The following SLC24A2 variants were observed in gnomAD, a reference collection of about 807,000 sequenced individuals.
SLC24A2 encodes the protein solute carrier family 24 member 2, also known as sodium/potassium/calcium exchanger 2.
A neutral mutation model predicts 62.0 loss-of-function variants in SLC24A2; 36 were observed. The ratio of observed to expected loss-of-function variants is 0.58; its 90% CI spans 0.44 to 0.77. The LOEUF is 0.77. Ranked by LOEUF, SLC24A2 falls within the 30% of genes least tolerant of loss-of-function variation. The pLI, the probability that SLC24A2 is intolerant of heterozygous loss-of-function variation, is 0.00. For synonymous variants in SLC24A2, 358 were observed against 294.0 expected (o/e 1.22, Z -2.23); for missense variants, 846 against 817.9 (o/e 1.03, Z -0.42).
At chr9:20,285,838 C>T in the SLC24A2 span, among the ~76,000 whole-genome samples, 1 of 152,124 alleles carries the variant, frequency 6.6e-6, no homozygotes, top group African/African-American at 2.4e-5. Flanking sequence ...CAAGGAAGGG[C>T]ATGCACAGAG....
At chr9:20,233,048 C>T in the SLC24A2 span, among the ~76,000 whole-genome samples, 1 of 152,110 alleles carries the variant, frequency 6.6e-6, no homozygotes, top group Non-Finnish European at 1.5e-5. Flanking sequence ...GAGTGAGTTT[C>T]TTAATCCTGA....
chr9:20,303,680 G>A, the SLC24A2 span, among the ~76,000 whole-genome samples: 1 of 152,182 alleles, frequency 6.6e-6, no homozygotes, highest in African/African-American at 2.4e-5. Context: ...TCCTTCAAGA[G>A]TAGAAGTCTT....
At chr9:19,973,538 C>T in the SLC24A2 span, among the ~76,000 whole-genome samples, 1 of 152,168 alleles carries the variant, frequency 6.6e-6, no homozygotes, top group Non-Finnish European at 1.5e-5. Context: ...AGATTTGGGT[C>T]CTGCCTTTAC....
chr9:19,811,287 T>C, the SLC24A2 span, among the ~76,000 whole-genome samples: 30 of 152,180 alleles, frequency 2.0e-4, no homozygotes, highest in Non-Finnish European at 2.8e-4. Flanking sequence ...AGCCCCTAGA[T>C]TGTGAGAAAT....
At position 19,651,462 on chromosome 9, in the gene SLC24A2, C is replaced by T. The variant is rs567089221; in HGVS notation, c.931-29163G>A. On this transcript the variant is annotated intron_variant, in intron 2 of 10. Transcript: ENST00000341998. ...TCTAACTTTGAACCCATGTTCTTAA[C>T]AGCACTTCACATTGTAGCCAGTGAG... Among the ~76,000 whole-genome samples, 27 of 152,312 alleles carry T rather than the reference C, an allele frequency of 1.8e-4. 1 individual carries two copies. Among genetic ancestry groups the T allele is most frequent in the African/African-American group, 6.0e-4 (25 of 41,578 alleles).
At chr9:20,109,625 T>A in the SLC24A2 span, among the ~76,000 whole-genome samples, 1 of 152,208 alleles carries the variant, frequency 6.6e-6, no homozygotes, top group African/African-American at 2.4e-5. Context: ...AAGTGTATCT[T>A]GCGTGAATAC....
At chr9:20,110,468 T>TC in the SLC24A2 span, among the ~76,000 whole-genome samples, 1 of 151,424 alleles carries the variant, frequency 6.6e-6, no homozygotes, top group Non-Finnish European at 1.5e-5. Flanking sequence ...CTTTTTTTTT[T>TC]CACTCTTACA....
chr9:19,930,753 G>C, the SLC24A2 span, among the ~76,000 whole-genome samples: 1 of 152,204 alleles, frequency 6.6e-6, no homozygotes, highest in Non-Finnish European at 1.5e-5. Context: ...CCCTGATGAA[G>C]TCCAACTTTC....
intron 2 of SLC24A2, among the ~76,000 whole-genome samples, chr9:19,767,938 G>A (rs1822569984): frequency 6.6e-6 from 1 of 152,180 alleles, no homozygotes; most frequent in Non-Finnish European, 1.5e-5. Flanking sequence ...TCTTGTTGGT[G>A]GGGACTGTCT....
chr9:20,073,917 G>GAT, the SLC24A2 span, among the ~76,000 whole-genome samples: 2 of 98,334 alleles, frequency 2.0e-5, no homozygotes, highest in Non-Finnish European at 2.1e-5. Context: ...TCCTTGTGGG[G>GAT]AGATATATAT....
intron 2 of SLC24A2, among the ~76,000 whole-genome samples, chr9:19,671,321 A>C (rs945073128): frequency 4.6e-5 from 7 of 151,978 alleles, no homozygotes; most frequent in African/African-American, 1.7e-4. Context: ...CAGCTATTGC[A>C]AAAGGGGTTG....
intron 7 of SLC24A2, among the ~76,000 whole-genome samples, chr9:19,569,609 C>T (rs762654423): frequency 6.6e-6 from 1 of 152,106 alleles, no homozygotes; most frequent in Non-Finnish European, 1.5e-5. Flanking sequence ...CCACTATTGC[C>T]ATAAACCCTC....
At chr9:19,527,651 C>G (rs1833500203) in intron 9 of SLC24A2, among the ~76,000 whole-genome samples, 1 of 152,168 alleles carries the variant, frequency 6.6e-6, no homozygotes, top group Non-Finnish European at 1.5e-5. Context: ...GCTATTTTGT[C>G]TCCAGATGCT....
the SLC24A2 span, among the ~76,000 whole-genome samples, chr9:20,229,095 G>A: frequency 6.6e-6 from 1 of 152,102 alleles, no homozygotes; most frequent in South Asian, 2.1e-4. Context: ...ATTCCTGAGG[G>A]GAGTACATAC....
At chr9:20,141,047 A>G in the SLC24A2 span, among the ~76,000 whole-genome samples, 1 of 152,014 alleles carries the variant, frequency 6.6e-6, no homozygotes, top group Admixed American at 6.6e-5. Flanking sequence ...ATCATCACTT[A>G]TATTTTATGG....
At chr9:20,303,586 G>A in the SLC24A2 span, among the ~76,000 whole-genome samples, 1 of 152,086 alleles carries the variant, frequency 6.6e-6, no homozygotes, top group Non-Finnish European at 1.5e-5. Flanking sequence ...TCCAATAACT[G>A]GAGGTTTGCC....
chr9:19,919,453 G>GA, the SLC24A2 span, among the ~76,000 whole-genome samples: 1 of 152,204 alleles, frequency 6.6e-6, no homozygotes, highest in African/African-American at 2.4e-5. Flanking sequence ...AAGAGAGCAA[G>GA]AAAAATAGCT....
In SLC24A2 at chr9:19,515,500, GGATCACA is replaced by G. The variant is rs1832887311; in HGVS notation, c.*646_*652del. Reference sequence around the variant, plus strand: ...CCTAAACCATCTACCTTACTAGGCAGGATCACAGCAAGTCCAAGGTAGGCTGAAGGTC... The same window carrying G: ...CCTAAACCATCTACCTTACTAGGCAGGCAAGTCCAAGGTAGGCTGAAGGTC... On this transcript the variant is annotated 3_prime_UTR_variant, in exon 11 of 11. Coordinates refer to ENST00000341998, the MANE Select transcript of SLC24A2 (RefSeq NM_020344.4). The G allele has an allele frequency of 6.6e-6, 1 of 152,178 alleles. No individual in the cohort carries two copies. Among genetic ancestry groups the G allele is most frequent in the South Asian group, 2.1e-4 (1 of 4,822 alleles). 9.4% of individuals were successfully genotyped at this position (152,178 alleles called of 1,614,324 possible).
intron 6 of SLC24A2, 127 bp from the exon 7 acceptor site, chr9:19,573,596 G>A: frequency 1.2e-6 from 1 of 812,736 alleles, no homozygotes; most frequent in Admixed American, 1.8e-5. Flanking sequence ...ATATTGAAAA[G>A]AGTTTCCTAA....
Sources: allele counts gnomAD v4.1 joint callset (sites outside exome capture counted in the v4.1 genomes callset), GRCh38; gene constraint gnomAD v4.1.1; transcripts MANE v1.5; gene names NCBI Gene and HGNC (gene_info 2026-07-23, HGNC 2026-07-21).